AGFG2: variants seen among roughly 807,000 people sequenced by gnomAD.
AGFG2 encodes ArfGAP with FG repeats 2, also known as arf-GAP domain and FG repeat-containing protein 2.
Under a neutral mutation model 48.0 loss-of-function variants are expected in AGFG2, and 31 were observed. The observed-to-expected ratio is 0.65, with a 90% CI of 0.49 to 0.87. The LOEUF (loss-of-function observed/expected upper bound fraction) is 0.87, where lower values mean the gene tolerates loss of function less well. AGFG2 is among the 40% of genes least tolerant of loss of function. The pLI is 0.00. For missense variants in AGFG2, 599 were observed against 632.6 expected, an observed-to-expected ratio of 0.95 and a Z score of 0.57; for synonymous variants, 229 against 260.8, an observed-to-expected ratio of 0.88 and a Z score of 1.18.
In AGFG2 at chr7:100,564,996, G is replaced by T. The variant is rs374684502; in HGVS notation, c.*5G>T. On this transcript the variant is annotated 3_prime_UTR_variant, in exon 12 of 12. Coordinates refer to ENST00000300176, the MANE Select transcript of AGFG2 (RefSeq NM_006076.5). ...ACCACCAACCCCTTCTTGTAGCACT[G>T]TGTTTTTGGGGGGCCTCTTCCCTGC... 1.2e-6 allele frequency: 2 copies of T among 1,613,602 alleles called. No individual in the cohort carries two copies. Among genetic ancestry groups the T allele is most frequent in the Non-Finnish European group, 1.7e-6 (2 of 1,179,858 alleles).
chr7:100,547,353 G>A (rs948356569), intron 1 of AGFG2, among the ~76,000 whole-genome samples: 3 of 151,438 alleles, frequency 2.0e-5, no homozygotes, highest in Non-Finnish European at 4.4e-5. Flanking sequence ...GCTTCCTGAG[G>A]ATGTCAGCCA....
At chr7:100,558,616 A>G (rs1349685993) in intron 6 of AGFG2, among the ~76,000 whole-genome samples, 2 of 149,146 alleles carry the variant, frequency 1.3e-5, no homozygotes, top group Non-Finnish European at 3.0e-5. Context: ...ATCTCGGCTC[A>G]CTGCAAACTC....
chr7:100,543,038 G>A (rs1387509507), intron 1 of AGFG2, among the ~76,000 whole-genome samples: 3 of 152,034 alleles, frequency 2.0e-5, no homozygotes, highest in East Asian at 1.9e-4. Flanking sequence ...CCAAACTGAG[G>A]TATGATGCAA....
In AGFG2 at chr7:100,565,157, C is replaced by G. The variant is rs1221085567; in HGVS notation, c.*166C>G. The G allele has an allele frequency of 3.9e-6, 3 of 775,072 alleles. No homozygotes were observed. The highest frequency in any genetic ancestry group is 6.5e-6 in the Non-Finnish European group (3 of 461,596). 48.0% of individuals were successfully genotyped at this position (775,072 alleles called of 1,614,324 possible). The stretch of plus-strand genomic sequence containing the variant: ...GAAAGGTGGCTGCCCTCAGATTCCA[C>G]AAAGCCTCTCTCCCCTCCCTCGTCC... On this transcript the variant is annotated 3_prime_UTR_variant, in exon 12 of 12. Transcript: ENST00000300176.
intron 3 of AGFG2, among the ~76,000 whole-genome samples, chr7:100,551,369 TA>T (rs1035758662): frequency 9.9e-5 from 15 of 151,048 alleles, no homozygotes; most frequent in African/African-American, 3.2e-4. Context: ...CGCCCGGCCT[TA>T]ATTTTTATAT....
At chr7:100,542,085 G>A (rs1378435872) in intron 1 of AGFG2, among the ~76,000 whole-genome samples, 6 of 151,916 alleles carry the variant, frequency 3.9e-5, no homozygotes, top group East Asian at 3.9e-4. Flanking sequence ...GCGCGATCTC[G>A]GCTCATTGCA....
intron 3 of AGFG2, among the ~76,000 whole-genome samples, chr7:100,552,259 A>G (rs1800663010): frequency 6.6e-6 from 1 of 152,178 alleles, no homozygotes; most frequent in Non-Finnish European, 1.5e-5. Flanking sequence ...AAAAAATAAT[A>G]ATACAAATAA....
At position 100,565,176 on chromosome 7, in the gene AGFG2, C is replaced by G. The variant is rs1023242697; in HGVS notation, c.*185C>G. 1.5e-5 allele frequency: 10 copies of G among 667,006 alleles called. No homozygotes were observed. Among genetic ancestry groups the G allele is most frequent in the African/African-American group, 1.4e-4 (8 of 55,402 alleles). The allele number at this position is 667,006 out of a possible 1,614,324, so 41.3% of individuals were successfully genotyped here. On this transcript the variant is annotated 3_prime_UTR_variant, in exon 12 of 12. Transcript: ENST00000300176. The stretch of plus-strand genomic sequence containing the variant: ...ATTCCACAAAGCCTCTCTCCCCTCC[C>G]TCGTCCCACCCCCACCCAGGCAGGA...
intron 3 of AGFG2, among the ~76,000 whole-genome samples, chr7:100,552,590 G>T (rs1172360955): frequency 6.6e-6 from 1 of 152,212 alleles, no homozygotes; most frequent in Non-Finnish European, 1.5e-5. Context: ...ATGTTGGGAG[G>T]TAACTGTGAG....
intron 11 of AGFG2, among the ~76,000 whole-genome samples, 175 bp downstream of exon 11, chr7:100,564,478 TG>T (rs1800962941): frequency 6.6e-6 from 1 of 151,926 alleles, no homozygotes; most frequent in Non-Finnish European, 1.5e-5. Context: ...GCATCTCCCA[TG>T]CTGTTCCAGC....
chr7:100,553,223 A>G, intron 3 of AGFG2, 124 bp from the exon 4 acceptor site: 1 of 1,257,392 alleles, frequency 8.0e-7, no homozygotes, highest in South Asian at 1.3e-5. Flanking sequence ...GTTCCCTTCA[A>G]AAAAGGGAAT....
rs1254472812 is a variant in AGFG2, at chr7:100,539,497, G to A, written c.151G>A (p.Ala51Thr). 8 of 1,315,226 alleles carry A rather than the reference G, an allele frequency of 6.1e-6. No homozygotes were observed. In the South Asian group the frequency reaches 1.1e-4, roughly 18 times the overall value. 81.5% of individuals were successfully genotyped at this position (1,315,226 alleles called of 1,614,324 possible). Residue 51 changes from alanine (A) to threonine (T), a missense_variant, in exon 1 of 12, where the codon GCC (alanine) becomes ACC (threonine). By Grantham distance (58) the Ala-to-Thr change is moderately conservative (BLOSUM62 0). Transcript: ENST00000300176. ...QAGNRHCFEC[A>T]QRGVTYVDIT... The stretch of plus-strand genomic sequence containing the variant: ...CGGGAACCGCCACTGCTTCGAGTGC[G>A]CCCAGCGCGGGGTCACCTACGTGGA...
In AGFG2 at chr7:100,550,412, G is replaced by A. The variant is rs1162045427; in HGVS notation, c.332G>A (p.Trp111Ter). 6.2e-7 allele frequency: 1 copy of A among 1,613,126 alleles called. No individual in the cohort carries two copies. Among genetic ancestry groups the A allele is most frequent in the African/African-American group, 1.3e-5 (1 of 74,782 alleles). ...SRGNEVCRKIWLGLFDARTSL... is the reference protein window; with the variant it reads ...SRGNEVCRKI ...TTCTTTTAGGTTTGCCGGAAGATTTGGTTGGGTCTGTTTGATGCTCGGACA... is the reference window on the plus strand; with the variant it reads ...TTCTTTTAGGTTTGCCGGAAGATTTAGTTGGGTCTGTTTGATGCTCGGACA... Residue 111 changes from tryptophan to a stop codon, truncating the protein, a stop_gained, in exon 3 of 12, where the codon TGG becomes TAG. Coordinates refer to ENST00000300176, the MANE Select transcript of AGFG2 (RefSeq NM_006076.5). LOFTEE classifies it high-confidence loss of function.
At chr7:100,552,993 TA>T (rs1292551937) in intron 3 of AGFG2, among the ~76,000 whole-genome samples, 1 of 151,564 alleles carries the variant, frequency 6.6e-6, no homozygotes, top group Non-Finnish European at 1.5e-5. Flanking sequence ...TACAAATAAT[TA>T]AAAAATTAGC....
At position 100,566,511 on chromosome 7, in the gene AGFG2, C is replaced by T. The variant is rs1801010080; in HGVS notation, c.*1520C>T. ...CCTCCCTTTCCACCATTGCCCTGGC[C>T]CCGTGGCCATTCATTCTTGGGGTTT... On this transcript the variant is annotated 3_prime_UTR_variant, in exon 12 of 12. Coordinates refer to ENST00000300176, the MANE Select transcript of AGFG2 (RefSeq NM_006076.5). The T allele has an allele frequency of 6.6e-6, 1 of 152,300 alleles. No individual in the cohort carries two copies. Among genetic ancestry groups the T allele is most frequent in the South Asian group, 2.1e-4 (1 of 4,836 alleles). 9.4% of individuals were successfully genotyped at this position (152,300 alleles called of 1,614,324 possible).
In AGFG2 at chr7:100,540,455, A is replaced by G. The variant is rs961340399; in HGVS notation, c.221+888A>G. Among the ~76,000 whole-genome samples, 4 of 151,962 alleles carry G rather than the reference A, an allele frequency of 2.6e-5. No individual in the cohort carries two copies. The East Asian group carries it at 7.8e-4, about 29-fold the overall frequency. On this transcript the variant is annotated intron_variant, in intron 1 of 11. Transcript: ENST00000300176. The stretch of plus-strand genomic sequence containing the variant: ...GGCTTTGGTGCATCATCTGAGTGCT[A>G]CTCTTGGCATTGGTACTGTTCGGTC...
At chr7:100,556,175 C>T (rs1055676889) in intron 6 of AGFG2, 1 of 198,644 alleles carries the variant, frequency 5.0e-6, no homozygotes, top group Non-Finnish European at 1.1e-5. Context: ...TGCTGCCAGC[C>T]ACAATGGCTC....
intron 1 of AGFG2, among the ~76,000 whole-genome samples, chr7:100,545,116 G>A (rs999729603): frequency 6.6e-6 from 1 of 152,080 alleles, no homozygotes; most frequent in Non-Finnish European, 1.5e-5. Flanking sequence ...AAAGAAACAC[G>A]ATCTGGGGTG....
Position 100,562,890 on chromosome 7 carries a change from C to T in AGFG2, c.1115C>T (p.Ala372Val), listed in dbSNP as rs897350984. Residue 372 changes from alanine to valine, a missense_variant, in exon 9 of 12, where the codon GCC becomes GTC. By Grantham distance (64) the Ala-to-Val change is moderately conservative (BLOSUM62 0). Coordinates refer to ENST00000300176, the MANE Select transcript of AGFG2 (RefSeq NM_006076.5). The surrounding 1 kb of genome is among the most constrained non-coding windows in gnomAD (Gnocchi z 5.4). The part of the protein sequence containing the change: ...GAFTNPFTAP[A>V]AQSPLPSTNP... ...TTCACTAACCCTTTCACAGCTCCCG[C>T]CGCCCAGTCCCCGCTGCCTTCCACC... The T allele has an allele frequency of 1.2e-6, 2 of 1,614,048 alleles. No individual in the cohort carries two copies. The highest frequency in any genetic ancestry group is 1.7e-6 in the Non-Finnish European group (2 of 1,180,002).
Sources: allele counts gnomAD v4.1 joint callset (sites outside exome capture counted in the v4.1 genomes callset), GRCh38; gene constraint gnomAD v4.1.1; non-coding constraint Gnocchi (gnomAD v3.1); transcripts MANE v1.5; gene names NCBI Gene and HGNC (gene_info 2026-07-23, HGNC 2026-07-21).